The following FIP1L1 variants were observed in gnomAD, a reference collection of about 807,000 sequenced individuals.
The protein encoded by FIP1L1 is factor interacting with PAPOLA and CPSF1, also known as pre-mRNA 3'-end-processing factor FIP1.
A neutral mutation model predicts 84.6 loss-of-function variants in FIP1L1; 21 were observed. The ratio of observed to expected loss-of-function variants is 0.25; its 90% CI spans 0.18 to 0.36. The LOEUF (loss-of-function observed/expected upper bound fraction) is 0.36. Among genes scored for constraint, FIP1L1 ranks in the 10% least tolerant of loss-of-function variants. FIP1L1 has a pLI of 1.00. For missense variants in FIP1L1, 526 were observed against 751.1 expected, an observed-to-expected ratio of 0.70 and a Z score of 3.50; for synonymous variants, 263 against 242.3, an observed-to-expected ratio of 1.09 and a Z score of -0.80.
chr4:53,453,118 C>T lies in FIP1L1; in HGVS notation c.1484C>T (p.Pro495Leu), dbSNP rs749213998. ...AGGGAGCGTGATCACAGTCCTACAC[C>T]AAGTGTTTTCAACAGGTTTGTTGGG... Reference protein sequence around the residue: ...RERERDHSPTPSVFNSDEERY... With the variant: ...RERERDHSPTLSVFNSDEERY... Residue 495 changes from proline to leucine, a missense_variant, in exon 16 of 18, where the codon CCA (proline) becomes CTA (leucine). Coordinates refer to ENST00000337488, the MANE Select transcript of FIP1L1 (RefSeq NM_030917.4). 1 of 1,613,782 alleles carries T rather than the reference C, an allele frequency of 6.2e-7. No individual in the cohort carries two copies. The highest frequency in any genetic ancestry group is 1.1e-5 in the South Asian group (1 of 91,068).
At chr4:53,404,439 CTTTGCT>C (rs1752075111) in intron 10 of FIP1L1, among the ~76,000 whole-genome samples, 2 of 151,992 alleles carry the variant, frequency 1.3e-5, no homozygotes, top group African/African-American at 4.8e-5. Flanking sequence ...GGTTCCAAGT[CTTTGCT>C]ATTGTGAATA....
intron 10 of FIP1L1, among the ~76,000 whole-genome samples, chr4:53,409,484 A>C (rs1438379999): frequency 6.6e-6 from 1 of 152,208 alleles, no homozygotes; most frequent in Non-Finnish European, 1.5e-5. Context: ...GCCCGTTCTC[A>C]GATCTCCAGC....
chr4:53,388,117 CTTT>C (rs1742092112), intron 5 of FIP1L1, among the ~76,000 whole-genome samples: 1 of 151,946 alleles, frequency 6.6e-6, no homozygotes, highest in African/African-American at 2.4e-5. Flanking sequence ...TTACATTTTT[CTTT>C]TTTAAGTAGA....
At chr4:53,453,578 G>A (rs1717283653) in intron 16 of FIP1L1, among the ~76,000 whole-genome samples, 1 of 152,172 alleles carries the variant, frequency 6.6e-6, no homozygotes, top group African/African-American at 2.4e-5. Context: ...GGAAGAAGAT[G>A]CCATCTAAGA....
At chr4:53,405,892 C>G (rs1345096082) in intron 10 of FIP1L1, among the ~76,000 whole-genome samples, 1 of 151,872 alleles carries the variant, frequency 6.6e-6, no homozygotes, top group Non-Finnish European at 1.5e-5. Flanking sequence ...TGCTTATCAA[C>G]TTAAGGAGAT....
At chr4:53,388,127 TAGAAA>T (rs1332926712) in intron 5 of FIP1L1, among the ~76,000 whole-genome samples, 6 of 152,264 alleles carry the variant, frequency 3.9e-5, no homozygotes, top group South Asian at 2.1e-4. Context: ...CTTTTTTAAG[TAGAAA>T]AGAAAAGTGA....
rs377311841 is a variant in FIP1L1, at chr4:53,446,418, A to C, written c.1285+2315A>C. ...GTTATTTTTTATAATTATCACCCTAATCTCCAACAAGCTCCAAGTTCCTTC... is the reference window on the plus strand; with the variant it reads ...GTTATTTTTTATAATTATCACCCTACTCTCCAACAAGCTCCAAGTTCCTTC... On this transcript the variant is annotated intron_variant, in intron 15 of 17. Transcript: ENST00000337488. 2.6e-5 allele frequency among the ~76,000 whole-genome samples: 4 copies of C among 152,168 alleles called. No homozygotes were observed. The East Asian group carries it at 7.7e-4, about 29-fold the overall frequency.
Position 53,377,777 on chromosome 4 carries a change from G to T in FIP1L1, c.-62G>T. 1 of 1,436,948 alleles carries T rather than the reference G, an allele frequency of 7.0e-7. No individual in the cohort carries two copies. Among genetic ancestry groups the T allele is most frequent in the South Asian group, 1.4e-5 (1 of 72,962 alleles). 89.0% of individuals were successfully genotyped at this position (1,436,948 alleles called of 1,614,324 possible). ...CCCTTCTCGCGCCTCGGGGCTGCGAGGCTGGGGAAGGGGTTGGAGGGGGCT... is the reference window on the plus strand; with the variant it reads ...CCCTTCTCGCGCCTCGGGGCTGCGATGCTGGGGAAGGGGTTGGAGGGGGCT... On this transcript the variant is annotated 5_prime_UTR_variant, in exon 1 of 18. In the 5' UTR this introduces an upstream ATG that the reference lacks. Coordinates refer to ENST00000337488, the MANE Select transcript of FIP1L1 (RefSeq NM_030917.4).
rs1000457953 is a variant in FIP1L1 at position 53,390,454 on chromosome 4, G to T, written c.398-67G>T. On this transcript the variant is annotated intron_variant, in intron 6 of 17. Coordinates refer to ENST00000337488, the MANE Select transcript of FIP1L1 (RefSeq NM_030917.4). ...TAGTAAAAAGGTGTTTATATTTTCT[G>T]TTTGTCTATGGTATCGCCTGGCTTC... 19 of 911,966 alleles carry T rather than the reference G, an allele frequency of 2.1e-5. No individual in the cohort carries two copies. In the African/African-American group the frequency reaches 3.2e-4, roughly 15 times the overall value. The allele number at this position is 911,966 out of a possible 1,614,324, so 56.5% of individuals were successfully genotyped here. A position where few individuals can be genotyped will look rare whatever the true frequency, so the allele number is the denominator to read the frequency against.
intron 10 of FIP1L1, 150 bp from the exon 11 acceptor site, chr4:53,414,465 C>G: frequency 1.9e-6 from 1 of 526,946 alleles, no homozygotes. Flanking sequence ...CTTAGTACCA[C>G]AGCAAGTAGT....
intron 9 of FIP1L1, among the ~76,000 whole-genome samples, chr4:53,398,428 T>C (rs1748549581): frequency 6.6e-6 from 1 of 152,220 alleles, no homozygotes; most frequent in African/African-American, 2.4e-5. Flanking sequence ...CTATAATGGC[T>C]CAAGTGTAAA....
At chr4:53,402,230 A>C (rs1750632669) in intron 10 of FIP1L1, among the ~76,000 whole-genome samples, 1 of 152,222 alleles carries the variant, frequency 6.6e-6, no homozygotes, top group African/African-American at 2.4e-5. Flanking sequence ...CATTTGTATA[A>C]AATGAAGATA....
At chr4:53,378,199 C>A (rs1194699059) in intron 1 of FIP1L1, 4 of 344,712 alleles carry the variant, frequency 1.2e-5, no homozygotes, top group African/African-American at 2.1e-5. Context: ...GCTGTGCTTT[C>A]CCCGAGGCGT....
chr4:53,450,961 C>T (rs1035587094), intron 15 of FIP1L1, among the ~76,000 whole-genome samples: 3 of 149,438 alleles, frequency 2.0e-5, no homozygotes, highest in African/African-American at 7.5e-5. Context: ...AATAAAGCTA[C>T]TCTTTTTTTT....
rs752161960 is a variant in FIP1L1, at chr4:53,383,870, A to C, written c.326A>C (p.Gln109Pro). ...TIGDIKTGAP[Q>P]YGSYGTAPVN... ...GGAGACATTAAAACGGGAGCACCACAGTATGGGTAAGTTATTTTTTAGTAA... is the reference window on the plus strand; with the variant it reads ...GGAGACATTAAAACGGGAGCACCACCGTATGGGTAAGTTATTTTTTAGTAA... The change falls in exon 5 of 18, where the codon CAG becomes CCG. Residue 109 changes from glutamine to proline, a missense_variant. Coordinates refer to ENST00000337488, the MANE Select transcript of FIP1L1 (RefSeq NM_030917.4). 1.2e-6 allele frequency: 2 copies of C among 1,610,486 alleles called. No individual in the cohort carries two copies. The highest frequency in any genetic ancestry group is 2.2e-5 in the South Asian group (2 of 90,170).
chr4:53,381,750 A>ATTATTTTTTTTTTTTTTTTTTTTTT, intron 3 of FIP1L1, among the ~76,000 whole-genome samples: 1 of 63,080 alleles, frequency 1.6e-5, no homozygotes, highest in South Asian at 5.8e-4. Flanking sequence ...AGGCATTTGC[A>ATTATTTTTTTTTTTTTTTTTTTTTT]TTCTTTTTTT....
At chr4:53,411,079 G>T (rs753369028) in intron 10 of FIP1L1, among the ~76,000 whole-genome samples, 1 of 152,184 alleles carries the variant, frequency 6.6e-6, no homozygotes, top group Non-Finnish European at 1.5e-5. Flanking sequence ...CTCTTGTTAG[G>T]TATATGAGTG....
chr4:53,431,372 A>T (rs947845716), intron 13 of FIP1L1, among the ~76,000 whole-genome samples: 11 of 152,226 alleles, frequency 7.2e-5, no homozygotes, highest in African/African-American at 2.7e-4. Context: ...GATTCTTTTT[A>T]AAGTATTGCC....
At chr4:53,417,591 G>C (rs1224119274) in intron 11 of FIP1L1, among the ~76,000 whole-genome samples, 1 of 125,874 alleles carries the variant, frequency 7.9e-6, no homozygotes, top group Admixed American at 1.1e-4. Context: ...GCAGTGAGCT[G>C]AGATTGTGCC....
Sources: allele counts gnomAD v4.1 joint callset (sites outside exome capture counted in the v4.1 genomes callset), GRCh38; gene constraint gnomAD v4.1.1; transcripts MANE v1.5; gene names NCBI Gene and HGNC (gene_info 2026-07-23, HGNC 2026-07-21).